PLPP4: variants seen among roughly 807,000 people sequenced by gnomAD.
PLPP4 encodes the protein diacylglycerol pyrophosphate like 2.
In PLPP4, 20 loss-of-function variants were observed where a neutral mutation model predicts 32.2. That is an observed-to-expected ratio of 0.62 (90% CI 0.44 to 0.90). The LOEUF is 0.90. Among genes scored for constraint, PLPP4 ranks in the 40% least tolerant of loss-of-function variants. The pLI, the probability that PLPP4 is intolerant of heterozygous loss-of-function variation, is 0.00. For synonymous variants in PLPP4, 127 were observed against 133.0 expected, an observed-to-expected ratio of 0.95 and a Z score of 0.31; for missense variants, 257 against 353.1, an observed-to-expected ratio of 0.73 and a Z score of 2.18.
chr10:120,501,198 A>G (rs561901752), intron 1 of PLPP4, among the ~76,000 whole-genome samples: 1 of 152,360 alleles, frequency 6.6e-6, no homozygotes, highest in East Asian at 1.9e-4. Flanking sequence ...AAATGTTTTG[A>G]AGTAATTTGT....
rs951236349 is a variant in PLPP4, at chr10:120,491,212, C to T, written c.57-12606C>T. On this transcript the variant is annotated intron_variant, in intron 1 of 6. Coordinates refer to ENST00000398250, the MANE Select transcript of PLPP4 (RefSeq NM_001030059.3). ...CCAGGAAGCCAGTAGGAGGTGAATT[C>T]TGCAGATTTCCCTGGGTCACAAGCT... 3.3e-5 allele frequency among the ~76,000 whole-genome samples: 5 copies of T among 152,174 alleles called. No individual in the cohort carries two copies. The East Asian group carries it at 9.7e-4, about 29-fold the overall frequency.
At chr10:120,524,887 AT>A (rs1039160154) in intron 5 of PLPP4, among the ~76,000 whole-genome samples, 6 of 152,232 alleles carry the variant, frequency 3.9e-5, no homozygotes, top group African/African-American at 1.4e-4. Context: ...CGTAATCCCG[AT>A]TTTTTATTGA....
chr10:120,549,386 G>T (rs1166312441), intron 5 of PLPP4, among the ~76,000 whole-genome samples: 2 of 150,634 alleles, frequency 1.3e-5, no homozygotes, highest in African/African-American at 4.9e-5. Flanking sequence ...CAGCAAGAAA[G>T]CTCCAGGCCC....
At chr10:120,529,791 CA>C (rs917255634) in intron 5 of PLPP4, among the ~76,000 whole-genome samples, 5 of 151,998 alleles carry the variant, frequency 3.3e-5, no homozygotes, top group African/African-American at 9.7e-5. Context: ...ATAAAAGAAA[CA>C]AAAAAATGTT....
chr10:120,549,070 G>T (rs2133981008), intron 5 of PLPP4, among the ~76,000 whole-genome samples: 1 of 151,230 alleles, frequency 6.6e-6, no homozygotes, highest in East Asian at 1.9e-4. Flanking sequence ...GGAGAAACTG[G>T]TACTGAACTT....
At chr10:120,488,989 C>A (rs1315593222) in intron 1 of PLPP4, among the ~76,000 whole-genome samples, 1 of 152,226 alleles carries the variant, frequency 6.6e-6, no homozygotes, top group African/African-American at 2.4e-5. Context: ...AAGTGTCTAG[C>A]AGCTTCTTGG....
chr10:120,482,408 G>C (rs1247667829), intron 1 of PLPP4, among the ~76,000 whole-genome samples: 1 of 152,200 alleles, frequency 6.6e-6, no homozygotes, highest in Non-Finnish European at 1.5e-5. Flanking sequence ...TTAGCAAAGA[G>C]ACTGGAGGCA....
At chr10:120,538,050 C>CTGTGTG (rs1564825186) in intron 5 of PLPP4, among the ~76,000 whole-genome samples, 7 of 19,804 alleles carry the variant, frequency 3.5e-4, no homozygotes, top group African/African-American at 2.4e-4. Context: ...CTCTCTCTCT[C>CTGTGTG]TCTGTGTGTG....
intron 6 of PLPP4, among the ~76,000 whole-genome samples, chr10:120,584,511 G>A (rs41514247): frequency 0.07 from 10,641 of 152,242 alleles, 620 homozygotes; most frequent in African/African-American, 0.16. Flanking sequence ...TCAGTGCTAC[G>A]TAAGGAGACA....
intron 5 of PLPP4, among the ~76,000 whole-genome samples, chr10:120,528,528 T>TA (rs1049866650): frequency 1.3e-5 from 2 of 152,202 alleles, no homozygotes; most frequent in African/African-American, 2.4e-5. Flanking sequence ...GATTCACTGA[T>TA]ATGTCAAGGG....
chr10:120,497,025 T>G (rs1564795979), intron 1 of PLPP4, among the ~76,000 whole-genome samples: 1 of 151,946 alleles, frequency 6.6e-6, no homozygotes, highest in Non-Finnish European at 1.5e-5. Context: ...GGGATCCTCC[T>G]AGGGGGTAGG....
At chr10:120,522,345 C>G (rs1211466862) in intron 5 of PLPP4, among the ~76,000 whole-genome samples, 1 of 152,132 alleles carries the variant, frequency 6.6e-6, no homozygotes, top group Admixed American at 6.5e-5. Flanking sequence ...GAGACATTAG[C>G]TGGGGGCAGA....
At chr10:120,588,712 C>A (rs1190627197) in intron 6 of PLPP4, among the ~76,000 whole-genome samples, 1 of 152,140 alleles carries the variant, frequency 6.6e-6, no homozygotes, top group Non-Finnish European at 1.5e-5. Context: ...ATCAGAAATA[C>A]AAATCTGAGT....
chr10:120,487,436 T>G (rs1356500975), intron 1 of PLPP4, among the ~76,000 whole-genome samples: 10 of 152,254 alleles, frequency 6.6e-5, no homozygotes, highest in Admixed American at 2.0e-4. Context: ...AACTGATTCA[T>G]TTTAAGACAT....
intron 1 of PLPP4, among the ~76,000 whole-genome samples, chr10:120,499,531 T>C (rs1350002102): frequency 6.6e-6 from 1 of 152,096 alleles, no homozygotes; most frequent in African/African-American, 2.4e-5. Context: ...AAATGCAGAC[T>C]CTGATCCACT....
chr10:120,510,951 C>T (rs1486361300), intron 2 of PLPP4, among the ~76,000 whole-genome samples: 2 of 152,184 alleles, frequency 1.3e-5, no homozygotes, highest in African/African-American at 4.8e-5. Flanking sequence ...GACACCTCTG[C>T]TGCAGCAACT....
chr10:120,489,035 C>A (rs1366921551), intron 1 of PLPP4, among the ~76,000 whole-genome samples: 2 of 152,138 alleles, frequency 1.3e-5, no homozygotes, highest in Non-Finnish European at 2.9e-5. Flanking sequence ...ATCAGCTGAT[C>A]CTTCCCTCCC....
intron 1 of PLPP4, among the ~76,000 whole-genome samples, chr10:120,465,103 G>C (rs1236399411): frequency 6.6e-6 from 1 of 152,186 alleles, no homozygotes; most frequent in African/African-American, 2.4e-5. Context: ...CACATGCAAG[G>C]CTCATAAAAG....
chr10:120,486,047 C>T (rs909860879), intron 1 of PLPP4, among the ~76,000 whole-genome samples: 2 of 152,198 alleles, frequency 1.3e-5, no homozygotes, highest in African/African-American at 4.8e-5. Flanking sequence ...CCAAGCAGCC[C>T]TCTCATCTTA....
Sources: allele counts gnomAD v4.1 joint callset (sites outside exome capture counted in the v4.1 genomes callset), GRCh38; gene constraint gnomAD v4.1.1; transcripts MANE v1.5; gene names NCBI Gene and HGNC (gene_info 2026-07-23, HGNC 2026-07-21).